The following RS1 variants were observed in gnomAD, a reference collection of about 807,000 sequenced individuals.
RS1 encodes retinoschisin.
Under a neutral mutation model 20.8 loss-of-function variants are expected in RS1, and 2 were observed. That is an observed-to-expected ratio of 0.10 (90% CI 0.04 to 0.30). RS1 has a LOEUF of 0.30. RS1 is among the 10% of genes least tolerant of loss of function. The pLI is 1.00. For missense variants in RS1, 151 were observed against 189.8 expected, an observed-to-expected ratio of 0.80 and a Z score of 1.20; for synonymous variants, 70 against 75.8, an observed-to-expected ratio of 0.92 and a Z score of 0.40.
At chrX:18,661,467 T>C (rs752820510) in intron 1 of RS1, among the ~76,000 whole-genome samples, 1 of 111,933 alleles carries the variant, frequency 8.9e-6, no homozygotes, top group South Asian at 3.8e-4. Flanking sequence ...TGTAGGCGGC[T>C]TGTGTTAGTC....
chrX:18,648,684 C>T (rs745837050), intron 3 of RS1, among the ~76,000 whole-genome samples: 2 of 112,132 alleles, frequency 1.8e-5, no homozygotes, highest in African/African-American at 3.2e-5. Context: ...TAAAGACTGC[C>T]TGCTGGGATT....
intron 3 of RS1, chrX:18,653,301 T>G (rs1349094470): frequency 8.8e-7 from 1 of 1,130,635 alleles, no homozygotes; most frequent in Non-Finnish European, 1.2e-6. Context: ...TTAATAGCAT[T>G]AAAGTGAAGA....
rs751680844 is a variant in RS1, at chrX:18,667,958, A to G, written c.52+4059T>C. ...CAACATGGCTGCTGCAGTCCCACAC[A>G]ATGATTTAATCACCAACAAACTGGA... On this transcript the variant is annotated intron_variant, in intron 1 of 5. Coordinates refer to ENST00000379984, the MANE Select transcript of RS1 (RefSeq NM_000330.4). Among the ~76,000 whole-genome samples, 17 of 111,643 alleles carry G rather than the reference A, an allele frequency of 1.5e-4. No homozygotes were observed. The South Asian group carries it at 6.4e-3, about 42-fold the overall frequency.
In RS1 at chrX:18,653,560, G is replaced by A. The variant is rs775808084; in HGVS notation, c.184+3093C>T. 15 of 1,207,128 alleles carry A rather than the reference G, an allele frequency of 1.2e-5. No individual in the cohort carries two copies. In the South Asian group the frequency reaches 1.8e-4, roughly 14 times the overall value. ...GGGCAAGTGACTTCTGCAAGCCTGC[G>A]GCTGGTCCCAATGCCCTGAATCACC... On this transcript the variant is annotated intron_variant, in intron 3 of 5. Coordinates refer to ENST00000379984, the MANE Select transcript of RS1 (RefSeq NM_000330.4).
intron 1 of RS1, among the ~76,000 whole-genome samples, chrX:18,659,207 C>T (rs1408819709): frequency 1.8e-5 from 2 of 111,587 alleles, no homozygotes; most frequent in East Asian, 5.7e-4. Context: ...GGCGGGGTAG[C>T]TCATGCCTGT....
chrX:18,650,797 G>A (rs997945975), intron 3 of RS1, among the ~76,000 whole-genome samples: 1 of 112,342 alleles, frequency 8.9e-6, no homozygotes, highest in African/African-American at 3.2e-5. Flanking sequence ...CTGGGGTAGG[G>A]GCCCACCCTC....
chrX:18,649,669 A>AC (rs779782471), intron 3 of RS1, among the ~76,000 whole-genome samples: 1 of 111,761 alleles, frequency 8.9e-6, no homozygotes, highest in Admixed American at 9.5e-5. Flanking sequence ...CCAGGACTCC[A>AC]CCCCAGAGCA....
chrX:18,669,001 T>TA (rs749687259), intron 1 of RS1, among the ~76,000 whole-genome samples: 2 of 112,219 alleles, frequency 1.8e-5, no homozygotes, highest in Non-Finnish European at 3.8e-5. Context: ...AAAACTGCTT[T>TA]AAAAAAACCC....
intron 3 of RS1, among the ~76,000 whole-genome samples, chrX:18,653,244 G>A (rs894335941): frequency 4.5e-5 from 5 of 111,858 alleles, no homozygotes; most frequent in East Asian, 2.8e-4. Flanking sequence ...TCAGAGTGCC[G>A]GGGTAATCTT....
chrX:18,666,959 G>A (rs2147207512), intron 1 of RS1, among the ~76,000 whole-genome samples: 1 of 111,132 alleles, frequency 9.0e-6, no homozygotes, highest in African/African-American at 3.3e-5. Flanking sequence ...AATTTGAGAC[G>A]CCTAGGGGAC....
chrX:18,650,771 G>C, intron 3 of RS1, among the ~76,000 whole-genome samples: 1 of 112,557 alleles, frequency 8.9e-6, no homozygotes, highest in Non-Finnish European at 1.9e-5. Context: ...GCAGGCCTGC[G>C]TCCAGCCAAT....
intron 3 of RS1, among the ~76,000 whole-genome samples, chrX:18,652,087 C>G (rs1928073315): frequency 9.0e-6 from 1 of 111,060 alleles, no homozygotes; most frequent in Non-Finnish European, 1.9e-5. Context: ...CTGCCATCTC[C>G]CCTCGCCTGC....
At position 18,654,821 on chromosome X, in the gene RS1, G is replaced by A. The variant is rs763126979; in HGVS notation, c.184+1832C>T. ...CCCCTTCAGAAAATAGGAAAATCACGCAGTAGAAACCATTGTACCCTACCC... is the reference window on the plus strand; with the variant it reads ...CCCCTTCAGAAAATAGGAAAATCACACAGTAGAAACCATTGTACCCTACCC... On this transcript the variant is annotated intron_variant, in intron 3 of 5. Transcript: ENST00000379984. Among the ~76,000 whole-genome samples, 4 of 111,660 alleles carry A rather than the reference G, an allele frequency of 3.6e-5. No individual in the cohort carries two copies. In the Admixed American group the frequency reaches 3.8e-4, roughly 11 times the overall value.
At chrX:18,671,488 A>C (rs1381173590) in intron 1 of RS1, among the ~76,000 whole-genome samples, 1 of 111,475 alleles carries the variant, frequency 9.0e-6, no homozygotes, top group Non-Finnish European at 1.9e-5. Flanking sequence ...AGGTTTCCTG[A>C]CTCTCAGTTG....
At position 18,647,272 on chromosome X, in the gene RS1, G is replaced by T. The variant is rs1238886122; in HGVS notation, c.245C>A (p.Thr82Asn). Residue 82 changes from threonine to asparagine, a missense_variant, in exon 4 of 6, where the codon ACC (threonine) becomes AAC (asparagine). Transcript: ENST00000379984. ...ESGEVTPDQITCSNPEQYVGW... is the reference protein window; with the variant it reads ...ESGEVTPDQINCSNPEQYVGW... ...CACATACTGCTCCGGGTTAGAGCAG[G>T]TGATCTGGTCCGGTGTGACCTCCCC... 2 of 1,210,462 alleles carry T rather than the reference G, an allele frequency of 1.7e-6. No homozygotes were observed. The highest frequency in any genetic ancestry group is 2.2e-6 in the Non-Finnish European group (2 of 894,656).
intron 4 of RS1, among the ~76,000 whole-genome samples, 198 bp downstream of exon 4, chrX:18,646,993 T>C (rs929054004): frequency 9.1e-6 from 1 of 109,414 alleles, no homozygotes; most frequent in African/African-American, 3.3e-5. Context: ...CTCGGCTCAC[T>C]GTAACCTCCG....
At chrX:18,650,400 T>C (rs1322178445) in intron 3 of RS1, 1 of 1,210,932 alleles carries the variant, frequency 8.3e-7, no homozygotes, top group East Asian at 3.0e-5. Flanking sequence ...GCCCTCTGAA[T>C]ATTTTCCAGG....
intron 1 of RS1, among the ~76,000 whole-genome samples, chrX:18,661,563 AATCAGATCAC>A (rs753899008): frequency 9.0e-6 from 1 of 111,713 alleles, no homozygotes; most frequent in Admixed American, 9.5e-5. Flanking sequence ...GTATCGGAAG[AATCAGATCAC>A]ACGTGGGCTT....
In RS1 at chrX:18,641,804, C is replaced by T; in HGVS notation, c.*200G>A. ...TTCTTTGTTCTGACTTTCTCTGGCCCTGAGTGGGGAATAAGTTCATTTTTA... is the reference window on the plus strand; with the variant it reads ...TTCTTTGTTCTGACTTTCTCTGGCCTTGAGTGGGGAATAAGTTCATTTTTA... On this transcript the variant is annotated 3_prime_UTR_variant, in exon 6 of 6. Transcript: ENST00000379984. 1 of 435,313 alleles carries T rather than the reference C, an allele frequency of 2.3e-6. No individual in the cohort carries two copies. The highest frequency in any genetic ancestry group is 4.0e-6 in the Non-Finnish European group (1 of 252,669). 35.9% of individuals were successfully genotyped at this position (435,313 alleles called of 1,213,427 possible). A position where few individuals can be genotyped will look rare whatever the true frequency, so the allele number is the denominator to read the frequency against.
Sources: gnomAD v4.1 joint callset for allele counts (sites outside exome capture counted in the v4.1 genomes callset) on GRCh38, gnomAD v4.1.1 for gene constraint, MANE v1.5 for transcripts, NCBI Gene and HGNC (gene_info 2026-07-23, HGNC 2026-07-21) for gene names.